Variants in NLK observed in about 807,000 individuals in gnomAD.
NLK encodes the protein nemo like kinase, also known as serine/threonine-protein kinase NLK.
Under a neutral mutation model 59.0 loss-of-function variants are expected in NLK, and 11 were observed. The ratio of observed to expected loss-of-function variants is 0.19; its 90% CI spans 0.12 to 0.31. The LOEUF is 0.31. Ranked by LOEUF, NLK falls within the 10% of genes least tolerant of loss-of-function variation. The probability of loss-of-function intolerance (pLI) is 1.00; values close to 1 mark genes in which losing one functional copy is unlikely to be tolerated. For missense variants in NLK, 410 were observed against 661.1 expected, an observed-to-expected ratio of 0.62 and a Z score of 4.16; for synonymous variants, 235 against 235.9, an observed-to-expected ratio of 1.00 and a Z score of 0.03.
the NLK span, among the ~76,000 whole-genome samples, chr17:28,205,585 T>C: frequency 6.6e-6 from 1 of 152,324 alleles, no homozygotes; most frequent in East Asian, 1.9e-4. Flanking sequence ...GAGAAAGAAT[T>C]ATTTTAGTTG....
intron 1 of NLK, among the ~76,000 whole-genome samples, chr17:28,061,775 CATATACATATATAAT>C (rs1213436038): frequency 2.8e-5 from 4 of 144,036 alleles, no homozygotes; most frequent in Admixed American, 1.4e-4. Context: ...TACATATATA[CATATACATATATAAT>C]ATATACATAT....
At chr17:28,072,525 A>G (rs1910041448) in intron 1 of NLK, among the ~76,000 whole-genome samples, 1 of 151,886 alleles carries the variant, frequency 6.6e-6, no homozygotes, top group Non-Finnish European at 1.5e-5. Flanking sequence ...ACAGGGTCTC[A>G]CTGTGTTGCC....
intron 3 of NLK, among the ~76,000 whole-genome samples, chr17:28,147,763 C>G (rs1030461302): frequency 1.3e-5 from 2 of 152,186 alleles, no homozygotes; most frequent in African/African-American, 4.8e-5. Flanking sequence ...ATTCTGTCCT[C>G]CATGATAACG....
chr17:28,062,512 A>G (rs896096108), intron 1 of NLK, among the ~76,000 whole-genome samples: 1 of 152,230 alleles, frequency 6.6e-6, no homozygotes, highest in African/African-American at 2.4e-5. Flanking sequence ...TGCTGTTCAG[A>G]TAATGATGAA....
chr17:28,080,985 G>A (rs1280045077), intron 1 of NLK, among the ~76,000 whole-genome samples: 3 of 151,654 alleles, frequency 2.0e-5, no homozygotes, highest in African/African-American at 2.4e-5. Context: ...AACCTCCTGG[G>A]CTCAATCGAT....
chr17:28,052,095 A>G (rs1909277629), intron 1 of NLK, among the ~76,000 whole-genome samples: 1 of 152,080 alleles, frequency 6.6e-6, no homozygotes, highest in Admixed American at 6.6e-5. Context: ...TGTGGAGAAG[A>G]GCAGGCCTGT....
intron 3 of NLK, among the ~76,000 whole-genome samples, chr17:28,136,601 C>CTTTGT (rs563211560): frequency 5.3e-5 from 8 of 152,042 alleles, no homozygotes; most frequent in South Asian, 2.1e-4. Context: ...TTTCCATGTC[C>CTTTGT]TTTGTTTTGT....
the NLK span, among the ~76,000 whole-genome samples, chr17:28,202,687 C>CTT: frequency 0.016 from 2,105 of 133,406 alleles, 34 homozygotes; most frequent in African/African-American, 0.026. Context: ...TCTTTTTTTT[C>CTT]TTTTTTTTTT....
chr17:28,102,194 G>GT lies in NLK; in HGVS notation c.459-20404dup, dbSNP rs1347098059. Among the ~76,000 whole-genome samples the GT allele has an allele frequency of 2.6e-5, 4 of 151,996 alleles. No individual in the cohort carries two copies. The East Asian group carries it at 7.7e-4, about 29-fold the overall frequency. ...TGTTTTCTATTGTTGCCTGCATTTT[G>GT]TTTTTATGTTCCTCTTTTCCAGCCC... On this transcript the variant is annotated intron_variant, in intron 1 of 10. Transcript: ENST00000407008.
chr17:28,171,164 A>C (rs1289743939), intron 6 of NLK: 3 of 152,148 alleles, frequency 2.0e-5, no homozygotes, highest in African/African-American at 7.2e-5. Context: ...TATCACCTAC[A>C]CACTTTTCCC....
At chr17:28,073,612 AAT>A (rs1910078531) in intron 1 of NLK, among the ~76,000 whole-genome samples, 1 of 152,070 alleles carries the variant, frequency 6.6e-6, no homozygotes, top group Non-Finnish European at 1.5e-5. Flanking sequence ...CTCTTTTTGA[AAT>A]GTGGCAAGGG....
intron 1 of NLK, among the ~76,000 whole-genome samples, chr17:28,066,682 A>AC (rs1303962752): frequency 6.6e-6 from 1 of 152,246 alleles, no homozygotes; most frequent in Non-Finnish European, 1.5e-5. Context: ...AAAAGAAACT[A>AC]CCAAACTGTT....
Position 28,172,563 on chromosome 17 carries a change from T to C in NLK, c.1094T>C (p.Met365Thr). 1 of 1,597,892 alleles carries C rather than the reference T, an allele frequency of 6.3e-7. No homozygotes were observed. Among genetic ancestry groups the C allele is most frequent in the Non-Finnish European group, 8.5e-7 (1 of 1,172,962 alleles). The change falls in exon 7 of 11, where the codon ATG becomes ACG. Residue 365 changes from methionine (M) to threonine (T), a missense_variant. Around this residue, in one of 5 missense-constraint regions of NLK, gnomAD observed 150 missense variants for 244.3 expected, o/e 0.61. Transcript: ENST00000407008. ...DLLGTPSLEAMRTACEGAKAH... is the reference protein window; with the variant it reads ...DLLGTPSLEATRTACEGAKAH... ...TTGGGCACACCATCACTGGAAGCAA[T>C]GAGGACAGCTTGTGAAGGCGCTAAG...
intron 7 of NLK, among the ~76,000 whole-genome samples, chr17:28,177,756 G>T (rs967617784): frequency 6.6e-6 from 1 of 152,300 alleles, no homozygotes; most frequent in Non-Finnish European, 1.5e-5. Flanking sequence ...AATTATAGTG[G>T]TTTAAGAAAT....
intron 3 of NLK, among the ~76,000 whole-genome samples, chr17:28,140,607 A>G (rs2142028683): frequency 1.3e-5 from 2 of 152,296 alleles, no homozygotes; most frequent in South Asian, 4.1e-4. Flanking sequence ...GCAAAGATGT[A>G]CCAGCAGGTA....
chr17:28,052,071 A>G (rs1909277090), intron 1 of NLK, among the ~76,000 whole-genome samples: 1 of 152,106 alleles, frequency 6.6e-6, no homozygotes, highest in South Asian at 2.1e-4. Flanking sequence ...TAAGGATTAT[A>G]CATGTAGTTC....
At chr17:28,160,805 G>A (rs1907974276) in intron 3 of NLK, among the ~76,000 whole-genome samples, 1 of 152,100 alleles carries the variant, frequency 6.6e-6, no homozygotes, top group Non-Finnish European at 1.5e-5. Context: ...CATTTGTTTG[G>A]ATTCAAAGGA....
chr17:28,067,119 C>A (rs765064019), intron 1 of NLK, among the ~76,000 whole-genome samples: 6 of 152,100 alleles, frequency 3.9e-5, no homozygotes, highest in Admixed American at 6.6e-5. Context: ...AGTTGATCCA[C>A]TTTTTCTTTT....
At chr17:28,172,696 G>T in intron 7 of NLK, 78 bp downstream of exon 7, 3 of 709,544 alleles carry the variant, frequency 4.2e-6, no homozygotes, top group South Asian at 3.8e-5. Context: ...AATCTATTAA[G>T]GATTTTTAAG....
Sources: allele counts gnomAD v4.1 joint callset (sites outside exome capture counted in the v4.1 genomes callset), GRCh38; gene constraint gnomAD v4.1.1; regional missense constraint gnomAD v4.1.1; transcripts MANE v1.5; gene names NCBI Gene and HGNC (gene_info 2026-07-23, HGNC 2026-07-21).